ATP8B4: variants seen among roughly 807,000 people sequenced by gnomAD.
The protein encoded by ATP8B4 is ATPase phospholipid transporting 8B4 (putative).
Under a neutral mutation model 145.6 loss-of-function variants are expected in ATP8B4, and 133 were observed. The observed-to-expected ratio is 0.91, with a 90% confidence interval of 0.79 to 1.05. The LOEUF (loss-of-function observed/expected upper bound fraction) is 1.05, where lower values mean the gene tolerates loss of function less well. Among genes scored for constraint, ATP8B4 ranks in the 50% least tolerant of loss-of-function variants. The pLI, the probability that ATP8B4 is intolerant of heterozygous loss-of-function variation, is 0.00. For synonymous variants in ATP8B4, 507 were observed against 492.9 expected, an observed-to-expected ratio of 1.03 and a Z score of -0.38; for missense variants, 1,458 against 1,425.2, an observed-to-expected ratio of 1.02 and a Z score of -0.37.
intron 1 of ATP8B4, among the ~76,000 whole-genome samples, chr15:50,108,453 G>A (rs546709504): frequency 2.6e-5 from 4 of 152,078 alleles, no homozygotes; most frequent in Non-Finnish European, 4.4e-5. Flanking sequence ...GACCTTCTGC[G>A]ACTTGATCCC....
chr15:50,009,708 T>C (rs570089726), intron 7 of ATP8B4: 4 of 454,694 alleles, frequency 8.8e-6, no homozygotes, highest in African/African-American at 8.0e-5. Flanking sequence ...CAAATTTAAA[T>C]TGTGGCTTAA....
At chr15:50,154,377 C>A (rs976615149) in intron 1 of ATP8B4, among the ~76,000 whole-genome samples, 1 of 152,010 alleles carries the variant, frequency 6.6e-6, no homozygotes, top group Admixed American at 6.6e-5. Flanking sequence ...TATATTGAAA[C>A]AAATTAGACA....
At chr15:50,039,613 A>G (rs369377318) in intron 5 of ATP8B4, among the ~76,000 whole-genome samples, 1 of 152,376 alleles carries the variant, frequency 6.6e-6, no homozygotes, top group East Asian at 1.9e-4. Flanking sequence ...GTAATAGGCT[A>G]TAATATAGTT....
chr15:50,131,260 A>G (rs1209471444), intron 1 of ATP8B4, among the ~76,000 whole-genome samples: 1 of 152,240 alleles, frequency 6.6e-6, no homozygotes, highest in Non-Finnish European at 1.5e-5. Flanking sequence ...CAATAATGAT[A>G]GGTAAGAACT....
intron 14 of ATP8B4, among the ~76,000 whole-genome samples, chr15:49,948,902 G>C (rs2042817967): frequency 6.6e-6 from 1 of 151,982 alleles, no homozygotes; most frequent in Non-Finnish European, 1.5e-5. Flanking sequence ...GTATTGCCTA[G>C]GTTTTCTTCT....
intron 1 of ATP8B4, among the ~76,000 whole-genome samples, chr15:50,170,646 CA>C (rs56011305): frequency 0.35 from 52,757 of 151,006 alleles, 11,278 homozygotes; most frequent in Non-Finnish European, 0.47. Flanking sequence ...CAAAACAAAA[CA>C]AAAAAAAACA....
chr15:49,873,129 T>G (rs2033904107), intron 25 of ATP8B4, among the ~76,000 whole-genome samples: 1 of 152,206 alleles, frequency 6.6e-6, no homozygotes, highest in Non-Finnish European at 1.5e-5. Context: ...ATAAAATAAT[T>G]CAAAGTAATA....
chr15:50,062,973 G>C (rs898476070), intron 3 of ATP8B4, among the ~76,000 whole-genome samples: 1 of 151,798 alleles, frequency 6.6e-6, no homozygotes, highest in Non-Finnish European at 1.5e-5. Context: ...TGGTTTGCAA[G>C]AATCATAGGA....
At chr15:50,163,980 G>T (rs1595662111) in intron 1 of ATP8B4, among the ~76,000 whole-genome samples, 1 of 152,140 alleles carries the variant, frequency 6.6e-6, no homozygotes. Context: ...GGGCTCCTCA[G>T]TCAGCTTGTG....
chr15:49,867,941 G>A (rs2033077436), intron 25 of ATP8B4, among the ~76,000 whole-genome samples: 1 of 152,096 alleles, frequency 6.6e-6, no homozygotes, highest in Admixed American at 6.5e-5. Flanking sequence ...CAAAGACTTG[G>A]AGACATGGAA....
At chr15:50,036,414 G>A (rs961691786) in intron 6 of ATP8B4, among the ~76,000 whole-genome samples, 7 of 152,292 alleles carry the variant, frequency 4.6e-5, no homozygotes, top group African/African-American at 1.2e-4. Flanking sequence ...TGAAGAAAGC[G>A]GCAGGTGCAA....
chr15:50,178,830 C>T (rs1171867191), intron 1 of ATP8B4, among the ~76,000 whole-genome samples: 1 of 151,908 alleles, frequency 6.6e-6, no homozygotes, highest in Non-Finnish European at 1.5e-5. Flanking sequence ...TTTTTTAGTG[C>T]CAAAAATGTC....
At chr15:49,936,730 G>GTTT (rs1282620120) in intron 14 of ATP8B4, among the ~76,000 whole-genome samples, 8 of 133,706 alleles carry the variant, frequency 6.0e-5, no homozygotes, top group African/African-American at 1.4e-4. Context: ...ATTATTTTTT[G>GTTT]GTTGTTTGTT....
chr15:49,948,986 G>T (rs931651340), intron 14 of ATP8B4, among the ~76,000 whole-genome samples: 3 of 152,076 alleles, frequency 2.0e-5, no homozygotes, highest in African/African-American at 4.8e-5. Context: ...GTAAATGTGT[G>T]GTCTTATTTG....
chr15:49,971,041 A>G (rs567055929), intron 13 of ATP8B4, among the ~76,000 whole-genome samples: 1 of 152,314 alleles, frequency 6.6e-6, no homozygotes, highest in East Asian at 1.9e-4. Flanking sequence ...TGTTTAATAA[A>G]TGGTATTGGG....
Position 49,920,427 on chromosome 15 carries a change from A to G in ATP8B4, c.1759-17T>C, listed in dbSNP as rs1213391007. The G allele has an allele frequency of 6.2e-7, 1 of 1,606,846 alleles. No homozygotes were observed. The highest frequency in any genetic ancestry group is 1.1e-5 in the South Asian group (1 of 89,962). On this transcript the variant is annotated splice_polypyrimidine_tract_variant and intron_variant, in intron 17 of 27. Coordinates refer to ENST00000284509, the MANE Select transcript of ATP8B4 (RefSeq NM_024837.4). ...TGCAAATTCCTGCCAGAGATGACATAGACTCATGAACCATCAAAGAAACAA... is the reference window on the plus strand; with the variant it reads ...TGCAAATTCCTGCCAGAGATGACATGGACTCATGAACCATCAAAGAAACAA...
At chr15:49,870,407 T>C (rs543866723) in intron 25 of ATP8B4, among the ~76,000 whole-genome samples, 1 of 152,228 alleles carries the variant, frequency 6.6e-6, no homozygotes, top group African/African-American at 2.4e-5. Flanking sequence ...TAAACACTTT[T>C]GTACTCTTTG....
intron 1 of ATP8B4, among the ~76,000 whole-genome samples, chr15:50,144,540 G>A (rs932037470): frequency 6.6e-6 from 1 of 152,100 alleles, no homozygotes; most frequent in African/African-American, 2.4e-5. Flanking sequence ...AAAACCATCA[G>A]ATCACATGAG....
chr15:49,860,103 C>T lies in ATP8B4; in HGVS notation c.*91G>A. ...AAGTGAGGCAATCTGCCTGCCCCACCTCTTGCCTCAAATCTCAAACTCTGG... is the reference window on the plus strand; with the variant it reads ...AAGTGAGGCAATCTGCCTGCCCCACTTCTTGCCTCAAATCTCAAACTCTGG... On this transcript the variant is annotated 3_prime_UTR_variant, in exon 28 of 28. Coordinates refer to ENST00000284509, the MANE Select transcript of ATP8B4 (RefSeq NM_024837.4). 6.9e-7 allele frequency: 1 copy of T among 1,456,974 alleles called. No homozygotes were observed. Among genetic ancestry groups the T allele is most frequent in the South Asian group, 1.4e-5 (1 of 73,444 alleles). 90.3% of individuals were successfully genotyped at this position (1,456,974 alleles called of 1,614,324 possible).
Sources: allele counts gnomAD v4.1 joint callset (sites outside exome capture counted in the v4.1 genomes callset), GRCh38; gene constraint gnomAD v4.1.1; transcripts MANE v1.5; gene names NCBI Gene and HGNC (gene_info 2026-07-23, HGNC 2026-07-21).